The following PCMTD1 variants were observed in gnomAD, a reference collection of about 807,000 sequenced individuals.
PCMTD1 encodes protein-L-isoaspartate (D-aspartate) O-methyltransferase domain containing 1.
A neutral mutation model predicts 37.6 loss-of-function variants in PCMTD1; 12 were observed. That is an observed-to-expected ratio of 0.32 (90% CI 0.20 to 0.52). The LOEUF (loss-of-function observed/expected upper bound fraction) is 0.52, where lower values mean the gene tolerates loss of function less well. PCMTD1 is among the 20% of genes least tolerant of loss of function. PCMTD1 has a pLI of 0.97. For missense variants in PCMTD1, 235 were observed against 421.3 expected, an observed-to-expected ratio of 0.56 and a Z score of 3.87; for synonymous variants, 117 against 135.8, an observed-to-expected ratio of 0.86 and a Z score of 0.96.
chr8:51,821,148 T>A (rs1226331208), intron 5 of PCMTD1, among the ~76,000 whole-genome samples: 1 of 152,226 alleles, frequency 6.6e-6, no homozygotes, highest in Non-Finnish European at 1.5e-5. Context: ...GAAGTTTTTG[T>A]TTGTTTGTTT....
chr8:51,849,209 C>A, intron 2 of PCMTD1: 1 of 151,430 alleles, frequency 6.6e-6, no homozygotes, highest in East Asian at 1.9e-4. Context: ...TAACCATTTG[C>A]GTGTATAACT....
At chr8:51,833,975 C>T (rs1383353667) in intron 3 of PCMTD1, among the ~76,000 whole-genome samples, 1 of 152,102 alleles carries the variant, frequency 6.6e-6, no homozygotes, top group Non-Finnish European at 1.5e-5. Flanking sequence ...AAAAGTCCAT[C>T]ACAACCTCAA....
rs542584558 is a variant in PCMTD1 at position 51,818,752 on chromosome 8, A to G, written c.*1599T>C. 2 of 152,448 alleles carry G rather than the reference A, an allele frequency of 1.3e-5. No homozygotes were observed. Among genetic ancestry groups the G allele is most frequent in the East Asian group, 3.8e-4 (2 of 5,196 alleles). 9.4% of individuals were successfully genotyped at this position (152,448 alleles called of 1,614,324 possible). ...AACTAAAATATCCTCACTTACTTGGAACAATTTCATGCTTACACATGATCA... is the reference window on the plus strand; with the variant it reads ...AACTAAAATATCCTCACTTACTTGGGACAATTTCATGCTTACACATGATCA... On this transcript the variant is annotated 3_prime_UTR_variant, in exon 6 of 6. Coordinates refer to ENST00000522514, the MANE Select transcript of PCMTD1 (RefSeq NM_052937.4).
chr8:51,867,476 G>GGTGT (rs59206546), intron 1 of PCMTD1, among the ~76,000 whole-genome samples: 2,378 of 141,542 alleles, frequency 0.017, 24 homozygotes, highest in South Asian at 0.044. Flanking sequence ...TAAAGAAAAT[G>GGTGT]GTGTGTGTGT....
chr8:51,864,116 T>C (rs1470609845), intron 1 of PCMTD1, among the ~76,000 whole-genome samples: 1 of 152,092 alleles, frequency 6.6e-6, no homozygotes, highest in Non-Finnish European at 1.5e-5. Flanking sequence ...ATGACTATAC[T>C]TCCATCAGAC....
chr8:51,899,102 G>A (rs897271840), upstream of PCMTD1: 20 of 1,463,960 alleles, frequency 1.4e-5, no homozygotes, highest in Admixed American at 4.8e-5. Context: ...AGCCGCCGGG[G>A]TCCGGGCATG....
intron 1 of PCMTD1, among the ~76,000 whole-genome samples, chr8:51,891,505 G>A (rs755987578): frequency 4.0e-5 from 6 of 151,844 alleles, no homozygotes; most frequent in African/African-American, 1.2e-4. Context: ...GCAGTGAGCC[G>A]AGATCGCACT....
intron 1 of PCMTD1, among the ~76,000 whole-genome samples, chr8:51,874,545 T>TA (rs1199819232): frequency 6.6e-6 from 1 of 152,194 alleles, no homozygotes; most frequent in Non-Finnish European, 1.5e-5. Context: ...AATAAATTCA[T>TA]AAAACTAAAG....
Position 51,861,249 on chromosome 8 carries a change from G to A in PCMTD1, c.-95-3C>T. ...TGATTTCCAAAAATAAATTAATCCT[G>A]GAAGGGAAGAACAAAAATAAACAGG... On this transcript the variant is annotated splice_polypyrimidine_tract_variant and splice_region_variant and intron_variant, in intron 1 of 5. Transcript: ENST00000522514. The A allele has an allele frequency of 6.3e-6, 9 of 1,432,888 alleles. No individual in the cohort carries two copies. The highest frequency in any genetic ancestry group is 2.7e-5 in the Admixed American group (1 of 37,206). The allele number at this position is 1,432,888 out of a possible 1,614,324, so 88.8% of individuals were successfully genotyped here. A position where few individuals can be genotyped will look rare whatever the true frequency, so the allele number is the denominator to read the frequency against.
chr8:51,820,909 G>A (rs987673137), intron 5 of PCMTD1, among the ~76,000 whole-genome samples, 191 bp from the exon 6 acceptor site: 1 of 152,182 alleles, frequency 6.6e-6, no homozygotes, highest in Non-Finnish European at 1.5e-5. Context: ...GGATGGCACT[G>A]AAGTTAAAAT....
rs34261068 is a variant in PCMTD1, at chr8:51,866,916, T to TA, written c.-95-5671dup. Among the ~76,000 whole-genome samples, 252 of 152,076 alleles carry TA rather than the reference T, an allele frequency of 1.7e-3. 1 individual carries two copies. Among genetic ancestry groups the TA allele is most frequent in the Middle Eastern group, 3.4e-3 (1 of 294 alleles). On this transcript the variant is annotated intron_variant, in intron 1 of 5. Transcript: ENST00000522514. ...GCAAACCATACATCCATACATCCGA[T>TA]AAAGGATTGCAACCCATACATCTGA... is the stretch of plus-strand genomic sequence containing the variant.
At position 51,837,039 on chromosome 8, in the gene PCMTD1, T is replaced by G. The variant is rs1563339811; in HGVS notation, c.411-3350A>C. ...AATGAATAATCAACTCTCCTATAAC[T>G]AAATGACAGGTTTTTCTTGGGCCAG... On this transcript the variant is annotated intron_variant, in intron 3 of 5. Coordinates refer to ENST00000522514, the MANE Select transcript of PCMTD1 (RefSeq NM_052937.4). Among the ~76,000 whole-genome samples the G allele has an allele frequency of 1.3e-5, 2 of 152,204 alleles. 1 individual carries two copies. Among genetic ancestry groups the G allele is most frequent in the South Asian group, 4.1e-4 (2 of 4,828 alleles).
chr8:51,879,450 T>A (rs534598738), intron 1 of PCMTD1, among the ~76,000 whole-genome samples: 1 of 152,324 alleles, frequency 6.6e-6, no homozygotes, highest in Admixed American at 6.5e-5. Flanking sequence ...TGTTCATGAT[T>A]GTCCCATCAA....
At chr8:51,823,124 C>G (rs2037872098) in intron 5 of PCMTD1, among the ~76,000 whole-genome samples, 1 of 152,184 alleles carries the variant, frequency 6.6e-6, no homozygotes, top group African/African-American at 2.4e-5. Context: ...TCAGTAGCTG[C>G]TAACACTCAG....
intron 1 of PCMTD1, among the ~76,000 whole-genome samples, chr8:51,879,119 C>T (rs1585847992): frequency 1.3e-5 from 2 of 151,812 alleles, no homozygotes. Context: ...GAGCAAGACC[C>T]TGTGTCTCAA....
At chr8:51,877,783 G>A (rs2038733947) in intron 1 of PCMTD1, among the ~76,000 whole-genome samples, 1 of 152,116 alleles carries the variant, frequency 6.6e-6, no homozygotes, top group African/African-American at 2.4e-5. Flanking sequence ...ACACATTATT[G>A]AAAACAAGTG....
chr8:51,893,936 AG>A (rs1320915487), intron 1 of PCMTD1, among the ~76,000 whole-genome samples: 7 of 152,232 alleles, frequency 4.6e-5, no homozygotes, highest in African/African-American at 1.4e-4. Context: ...GGAAGACACA[AG>A]GAACAGTAAG....
intron 1 of PCMTD1, among the ~76,000 whole-genome samples, chr8:51,875,985 C>T (rs920638567): frequency 1.9e-4 from 29 of 152,128 alleles, no homozygotes; most frequent in African/African-American, 7.0e-4. Context: ...TGTGCATGTG[C>T]GTGCACGCAT....
chr8:51,817,577 A>G (rs2037776216), downstream of PCMTD1: 3 of 33,976 alleles, frequency 8.8e-5, no homozygotes, highest in African/African-American at 3.0e-4. Context: ...CATGGGAGAA[A>G]AATGCTTAAT....
Sources: allele counts gnomAD v4.1 joint callset (sites outside exome capture counted in the v4.1 genomes callset), GRCh38; gene constraint gnomAD v4.1.1; transcripts MANE v1.5; gene names NCBI Gene and HGNC (gene_info 2026-07-23, HGNC 2026-07-21).